The following RFX3 variants were observed in gnomAD, a reference collection of about 807,000 sequenced individuals.
RFX3 encodes the protein transcription factor RFX3.
In RFX3, 14 loss-of-function variants were observed where a neutral mutation model predicts 98.6. That is an observed-to-expected ratio of 0.14 (90% confidence interval 0.09 to 0.22). The LOEUF (loss-of-function observed/expected upper bound fraction) is 0.22, where lower values mean the gene tolerates loss of function less well. Ranked by LOEUF, RFX3 falls within the 10% of genes least tolerant of loss-of-function variation. The pLI, the probability that RFX3 is intolerant of heterozygous loss-of-function variation, is 1.00. For missense variants in RFX3, 639 were observed against 926.9 expected, an observed-to-expected ratio of 0.69 and a Z score of 4.03; for synonymous variants, 383 against 328.4, an observed-to-expected ratio of 1.17 and a Z score of -1.80.
intron 1 of RFX3, among the ~76,000 whole-genome samples, chr9:3,519,383 G>C (rs1314420476): frequency 1.3e-5 from 2 of 152,110 alleles, no homozygotes; most frequent in Non-Finnish European, 2.9e-5. Context: ...GTATAAATTG[G>C]TAAGCAAAGT....
chr9:3,357,085 G>C (rs1040903370), intron 2 of RFX3, among the ~76,000 whole-genome samples: 8 of 151,786 alleles, frequency 5.3e-5, no homozygotes, highest in African/African-American at 1.9e-4. Flanking sequence ...GTAGGAGACA[G>C]ATCTTTGGCA....
At chr9:3,321,681 C>G (rs979844853) in intron 4 of RFX3, among the ~76,000 whole-genome samples, 7 of 152,126 alleles carry the variant, frequency 4.6e-5, no homozygotes, top group African/African-American at 1.7e-4. Context: ...GTTTTCTCAG[C>G]AGGATGTTTT....
At chr9:3,317,899 T>C (rs1203442401) in intron 4 of RFX3, among the ~76,000 whole-genome samples, 2 of 152,108 alleles carry the variant, frequency 1.3e-5, no homozygotes, top group Non-Finnish European at 2.9e-5. Context: ...TGTGGAGAAA[T>C]AGGAACACTT....
rs528892601 is a variant in RFX3 at position 3,219,416 on chromosome 9, C to T, written c.*5626G>A. On this transcript the variant is annotated 3_prime_UTR_variant, in exon 17 of 17. Coordinates refer to ENST00000617270, the MANE Select transcript of RFX3 (RefSeq NM_001282116.2). ...CAATTCTTACCAAAGATTTTCATTA[C>T]TCAGGGCTTCCAATCCCAACATCAT... 1 of 150,784 alleles carries T rather than the reference C, an allele frequency of 6.6e-6. No individual in the cohort carries two copies. The highest frequency in any genetic ancestry group is 2.4e-5 in the African/African-American group (1 of 40,976). 9.3% of individuals were successfully genotyped at this position (150,784 alleles called of 1,614,324 possible). A position where few individuals can be genotyped will look rare whatever the true frequency, so the allele number is the denominator to read the frequency against.
At chr9:3,525,395 A>G (rs982121627) in intron 1 of RFX3, among the ~76,000 whole-genome samples, 1 of 152,184 alleles carries the variant, frequency 6.6e-6, no homozygotes, top group Non-Finnish European at 1.5e-5. Context: ...GACCAGACCT[A>G]AGGGAAAGAT....
intron 1 of RFX3, among the ~76,000 whole-genome samples, chr9:3,425,202 G>A (rs1428197442): frequency 6.6e-6 from 1 of 152,162 alleles, no homozygotes; most frequent in Non-Finnish European, 1.5e-5. Context: ...ACACACCACT[G>A]CCCGCCAGCC....
At chr9:3,479,493 C>G (rs369878606) in intron 1 of RFX3, among the ~76,000 whole-genome samples, 3 of 152,054 alleles carry the variant, frequency 2.0e-5, no homozygotes, top group East Asian at 1.9e-4. Context: ...TATTTCAGTA[C>G]TTAAATGAGA....
chr9:3,289,371 A>C (rs1317910952), intron 6 of RFX3, among the ~76,000 whole-genome samples: 1 of 152,150 alleles, frequency 6.6e-6, no homozygotes, highest in Non-Finnish European at 1.5e-5. Flanking sequence ...TCAGCACAAT[A>C]AAGCAGATAG....
chr9:3,266,793 A>G (rs1472815779), intron 11 of RFX3, among the ~76,000 whole-genome samples: 1 of 152,050 alleles, frequency 6.6e-6, no homozygotes, highest in Non-Finnish European at 1.5e-5. Flanking sequence ...AGAATCTGTG[A>G]ATTAGAGTAA....
intron 1 of RFX3, among the ~76,000 whole-genome samples, chr9:3,518,279 T>C (rs1362462487): frequency 6.6e-6 from 1 of 152,196 alleles, no homozygotes; most frequent in African/African-American, 2.4e-5. Flanking sequence ...CAAATCACAT[T>C]TCCTAAACTT....
intron 8 of RFX3, 115 bp from the exon 9 acceptor site, chr9:3,275,727 C>T: frequency 1.8e-6 from 1 of 552,456 alleles, no homozygotes; most frequent in Middle Eastern, 2.8e-4. Context: ...GGTCAGGGGT[C>T]CAGAGAGCAA....
At chr9:3,473,692 T>C (rs986566089) in intron 1 of RFX3, among the ~76,000 whole-genome samples, 2 of 152,208 alleles carry the variant, frequency 1.3e-5, no homozygotes, top group African/African-American at 4.8e-5. Flanking sequence ...TGCTGAGCTG[T>C]ATATTCACTC....
At chr9:3,335,068 G>A (rs562809530) in intron 3 of RFX3, among the ~76,000 whole-genome samples, 7 of 152,014 alleles carry the variant, frequency 4.6e-5, no homozygotes, top group South Asian at 2.1e-4. Flanking sequence ...GCAGTGAGCC[G>A]AGGTCACACC....
chr9:3,521,222 A>T (rs1818679416), intron 1 of RFX3, among the ~76,000 whole-genome samples: 1 of 152,194 alleles, frequency 6.6e-6, no homozygotes, highest in Non-Finnish European at 1.5e-5. Flanking sequence ...TGAAATAAAG[A>T]TTAAAATATC....
chr9:3,355,724 C>A (rs1408851646), intron 2 of RFX3, among the ~76,000 whole-genome samples: 1 of 151,772 alleles, frequency 6.6e-6, no homozygotes, highest in Admixed American at 6.6e-5. Flanking sequence ...GTAACAACAG[C>A]AGAACAGGCA....
At chr9:3,443,512 A>T (rs193066650) in intron 1 of RFX3, among the ~76,000 whole-genome samples, 12 of 152,246 alleles carry the variant, frequency 7.9e-5, no homozygotes, top group Admixed American at 5.9e-4. Flanking sequence ...AACTCCATTC[A>T]TGTCCCTGTA....
chr9:3,302,958 T>C lies in RFX3; in HGVS notation c.475-1338A>G, dbSNP rs149687778. Among the ~76,000 whole-genome samples the C allele has an allele frequency of 6.2e-3, 937 of 151,958 alleles. 3 individuals are homozygous for C. Among genetic ancestry groups the C allele is most frequent in the Non-Finnish European group, 9.9e-3 (673 of 67,834 alleles). On this transcript the variant is annotated intron_variant, in intron 4 of 16. Coordinates refer to ENST00000617270, the MANE Select transcript of RFX3 (RefSeq NM_001282116.2). Reference sequence around the variant, plus strand: ...AAACATAATACTGAAAAGAGTATGTTAGGTTAAGAAATCATAAAAAAATTC... The same window carrying C: ...AAACATAATACTGAAAAGAGTATGTCAGGTTAAGAAATCATAAAAAAATTC...
At chr9:3,477,332 C>CT in intron 1 of RFX3, among the ~76,000 whole-genome samples, 1 of 152,220 alleles carries the variant, frequency 6.6e-6, no homozygotes, top group South Asian at 2.1e-4. Context: ...ATTAAGTGTC[C>CT]TTTCATTTCA....
At chr9:3,491,028 T>C (rs1183826405) in intron 1 of RFX3, among the ~76,000 whole-genome samples, 1 of 152,122 alleles carries the variant, frequency 6.6e-6, no homozygotes, top group African/African-American at 2.4e-5. Context: ...TAGTTAACTA[T>C]AAAGAGCATC....
Sources: allele counts gnomAD v4.1 joint callset (sites outside exome capture counted in the v4.1 genomes callset), GRCh38; gene constraint gnomAD v4.1.1; transcripts MANE v1.5; gene names NCBI Gene and HGNC (gene_info 2026-07-23, HGNC 2026-07-21).